GCNT2: variants seen among roughly 807,000 people sequenced by gnomAD.
The protein encoded by GCNT2 is glucosaminyl (N-acetyl) transferase 2 (I blood group), also known as N-acetyllactosaminide beta-1,6-N-acetylglucosaminyl-transferase.
In GCNT2, 34 loss-of-function variants were observed where a neutral mutation model predicts 34.2. That is an observed-to-expected ratio of 1.00 (90% CI 0.76 to 1.32). The LOEUF (loss-of-function observed/expected upper bound fraction) is 1.32, where lower values mean the gene tolerates loss of function less well. GCNT2 is among the 40% of genes most tolerant of loss of function. GCNT2 has a pLI of 0.00. For missense variants in GCNT2, 584 were observed against 489.4 expected, an observed-to-expected ratio of 1.19 and a Z score of -1.82; for synonymous variants, 212 against 188.0, an observed-to-expected ratio of 1.13 and a Z score of -1.04.
In GCNT2 at chr6:10,544,489, C is replaced by T. The variant is rs182625757; in HGVS notation, c.925+14653C>T. ...GCGTGGTGGCAGGTGCCTATAATCC[C>T]AGCTACTCGGGAGGCTGAGGCAGAG... On this transcript the variant is annotated intron_variant, in intron 3 of 4. Coordinates refer to ENST00000495262, the MANE Select transcript of GCNT2 (RefSeq NM_145649.5). 1.0e-2 allele frequency among the ~76,000 whole-genome samples: 1,448 copies of T among 144,958 alleles called. 15 individuals are homozygous for T. The highest frequency in any genetic ancestry group is 0.022 in the South Asian group (101 of 4,550).
chr6:10,586,369 A>C (rs1246817035), intron 3 of GCNT2: 2 of 1,614,032 alleles, frequency 1.2e-6, no homozygotes, highest in Non-Finnish European at 8.5e-7. Context: ...TACTGTGTTC[A>C]CGTGGATGAG....
intron 1 of GCNT2, among the ~76,000 whole-genome samples, chr6:10,525,444 G>A (rs1163501679): frequency 6.6e-6 from 1 of 152,092 alleles, no homozygotes; most frequent in Non-Finnish European, 1.5e-5. Context: ...GTCACTCCCT[G>A]ATTACCATCT....
intron 3 of GCNT2, among the ~76,000 whole-genome samples, chr6:10,618,534 CTT>C (rs969089973): frequency 6.6e-6 from 1 of 152,100 alleles, no homozygotes; most frequent in African/African-American, 2.4e-5. Flanking sequence ...CATTAAATGA[CTT>C]TTTGTCATGG....
At chr6:10,571,691 ATTGT>A (rs1561808727) in intron 3 of GCNT2, among the ~76,000 whole-genome samples, 9 of 152,068 alleles carry the variant, frequency 5.9e-5, no homozygotes, top group Admixed American at 5.2e-4. Context: ...TTCTCCCATT[ATTGT>A]TTGTTACTAA....
intron 3 of GCNT2, among the ~76,000 whole-genome samples, chr6:10,619,955 G>A (rs139142496): frequency 7.7e-4 from 117 of 152,266 alleles, no homozygotes; most frequent in Admixed American, 6.9e-3. Flanking sequence ...TTCTTACATC[G>A]TGTCACTCTG....
At position 10,627,233 on chromosome 6, in the gene GCNT2, T is replaced by C. The variant is rs1766296402; in HGVS notation, c.*626T>C. ...ATATGCTTTAAGACAGAATTCACTGTCTGTTGCTTCAGTAAAAGGACCTCG... is the reference window on the plus strand; with the variant it reads ...ATATGCTTTAAGACAGAATTCACTGCCTGTTGCTTCAGTAAAAGGACCTCG... On this transcript the variant is annotated 3_prime_UTR_variant, in exon 5 of 5. Coordinates refer to ENST00000495262, the MANE Select transcript of GCNT2 (RefSeq NM_145649.5). The C allele has an allele frequency of 3.3e-5, 5 of 152,562 alleles. No individual in the cohort carries two copies. The highest frequency in any genetic ancestry group is 3.3e-4 in the Admixed American group (5 of 15,344). 9.5% of individuals were successfully genotyped at this position (152,562 alleles called of 1,614,324 possible). A position where few individuals can be genotyped will look rare whatever the true frequency, so the allele number is the denominator to read the frequency against.
At chr6:10,556,568 A>C in intron 3 of GCNT2, 1 of 1,614,204 alleles carries the variant, frequency 6.2e-7, no homozygotes, top group Non-Finnish European at 8.5e-7. Flanking sequence ...TCAAGTTTGC[A>C]CATCTTTTAT....
chr6:10,623,885 G>A lies in GCNT2; in HGVS notation c.1018+2442G>A, dbSNP rs189876525. ...ATGAGCTTCCTTCTGAGGACTCCCC[G>A]TCTGACCCGTGTATTGTAAGCCACT... On this transcript the variant is annotated intron_variant, in intron 4 of 4. Transcript: ENST00000495262. Among the ~76,000 whole-genome samples, 175 of 152,222 alleles carry A rather than the reference G, an allele frequency of 1.1e-3. 1 individual carries two copies. Among genetic ancestry groups the A allele is most frequent in the Non-Finnish European group, 1.4e-3 (93 of 68,020 alleles).
At chr6:10,618,573 G>A (rs918032640) in intron 3 of GCNT2, among the ~76,000 whole-genome samples, 2 of 152,194 alleles carry the variant, frequency 1.3e-5, no homozygotes, top group African/African-American at 2.4e-5. Flanking sequence ...CTTTTATGAT[G>A]TAGTTATTTA....
intron 3 of GCNT2, among the ~76,000 whole-genome samples, chr6:10,602,392 G>A (rs896256721): frequency 6.6e-6 from 1 of 152,128 alleles, no homozygotes; most frequent in African/African-American, 2.4e-5. Context: ...AACTTCTAAC[G>A]GAAGCCCAGG....
intron 3 of GCNT2, among the ~76,000 whole-genome samples, chr6:10,537,698 C>CAAAAAAAAAAAAAA (rs201257236): frequency 2.6e-4 from 22 of 83,194 alleles, no homozygotes; most frequent in African/African-American, 4.1e-4. Context: ...GATTCTGCCG[C>CAAAAAAAAAAAAAA]AAAAAAAAAA....
At chr6:10,568,682 T>C (rs1258159238) in intron 3 of GCNT2, among the ~76,000 whole-genome samples, 1 of 152,182 alleles carries the variant, frequency 6.6e-6, no homozygotes, top group Non-Finnish European at 1.5e-5. Flanking sequence ...AATCTCCCTG[T>C]TGGAGATCCC....
chr6:10,568,492 C>G (rs1452236248), intron 3 of GCNT2, among the ~76,000 whole-genome samples: 3 of 152,240 alleles, frequency 2.0e-5, no homozygotes, highest in Non-Finnish European at 4.4e-5. Context: ...GGACCCACTC[C>G]AAGTGGTCTC....
chr6:10,532,246 T>G (rs1183819340), intron 3 of GCNT2, among the ~76,000 whole-genome samples: 1 of 152,164 alleles, frequency 6.6e-6, no homozygotes, highest in East Asian at 1.9e-4. Context: ...CCCTGACTTC[T>G]CGACTCGATG....
chr6:10,604,599 G>C (rs958397207), intron 3 of GCNT2, among the ~76,000 whole-genome samples: 2 of 152,112 alleles, frequency 1.3e-5, no homozygotes, highest in Non-Finnish European at 2.9e-5. Context: ...GCTGGCTCAC[G>C]CTTGTAATTC....
chr6:10,605,899 C>T (rs947049683), intron 3 of GCNT2, among the ~76,000 whole-genome samples: 5 of 152,200 alleles, frequency 3.3e-5, no homozygotes, highest in South Asian at 2.1e-4. Context: ...TAGATGGTCT[C>T]GGATGGTATC....
intron 3 of GCNT2, chr6:10,574,749 T>C: frequency 1.8e-6 from 1 of 563,820 alleles, no homozygotes; most frequent in South Asian, 1.6e-5. Flanking sequence ...ACACCTATGA[T>C]GCCATGAATT....
intron 3 of GCNT2, among the ~76,000 whole-genome samples, chr6:10,607,003 A>G (rs1765351233): frequency 6.6e-6 from 1 of 151,750 alleles, no homozygotes; most frequent in South Asian, 2.1e-4. Context: ...CTGGAGTGCA[A>G]TGGCGTGACC....
intron 3 of GCNT2, among the ~76,000 whole-genome samples, chr6:10,574,075 C>G (rs188030102): frequency 6.6e-6 from 1 of 152,206 alleles, no homozygotes; most frequent in Admixed American, 6.5e-5. Context: ...TATATACTAG[C>G]CTATTTCAAT....
Sources: gnomAD v4.1 joint callset for allele counts (sites outside exome capture counted in the v4.1 genomes callset) on GRCh38, gnomAD v4.1.1 for gene constraint, MANE v1.5 for transcripts, NCBI Gene and HGNC (gene_info 2026-07-23, HGNC 2026-07-21) for gene names.